Variants in CARM1 observed in about 807,000 individuals in gnomAD.
CARM1 encodes histone-arginine methyltransferase CARM1.
A neutral mutation model predicts 72.7 loss-of-function variants in CARM1; 14 were observed. The ratio of observed to expected loss-of-function variants is 0.19; its 90% confidence interval spans 0.13 to 0.30. The LOEUF is 0.30. Ranked by LOEUF, CARM1 falls within the 10% of genes least tolerant of loss-of-function variation. CARM1 has a pLI of 1.00. For synonymous variants in CARM1, 333 were observed against 345.5 expected, an observed-to-expected ratio of 0.96 and a Z score of 0.40; for missense variants, 432 against 833.7, an observed-to-expected ratio of 0.52 and a Z score of 5.93.
At position 10,916,522 on chromosome 19, in the gene CARM1, C is replaced by T. The variant is rs562119321; in HGVS notation, c.938+25C>T. The T allele has an allele frequency of 6.4e-7, 1 of 1,567,006 alleles. No homozygotes were observed. The highest frequency in any genetic ancestry group is 1.1e-5 in the South Asian group (1 of 90,022). On this transcript the variant is annotated intron_variant, in intron 7 of 15. Transcript: ENST00000327064. This position sits in a 1 kb window ranked among gnomAD's most constrained non-coding sequence, Gnocchi z 4.4. The stretch of plus-strand genomic sequence containing the variant: ...GGTGAGTGTGCCCTGGGTGTCCCGC[C>T]TGGGCCCCACAGCCTGCCTTCTCAG...
chr19:10,890,675 A>G, intron 1 of CARM1, among the ~76,000 whole-genome samples: 1 of 149,616 alleles, frequency 6.7e-6, no homozygotes, highest in East Asian at 1.9e-4. Context: ...GTGTATACGT[A>G]TATACATATA....
intron 3 of CARM1, chr19:10,908,864 C>T (rs2074123962): frequency 1.2e-5 from 5 of 414,204 alleles, no homozygotes; most frequent in South Asian, 2.5e-5. Context: ...CTTCCAGGTC[C>T]AGGCGGCATC....
Position 10,921,842 on chromosome 19 carries a change from C to G in CARM1, c.*85C>G, listed in dbSNP as rs2074257767. 1 of 1,344,940 alleles carries G rather than the reference C, an allele frequency of 7.4e-7. No homozygotes were observed. Among genetic ancestry groups the G allele is most frequent in the Non-Finnish European group, 1.0e-6 (1 of 984,412 alleles). The allele number at this position is 1,344,940 out of a possible 1,614,324, so 83.3% of individuals were successfully genotyped here. On this transcript the variant is annotated 3_prime_UTR_variant, in exon 16 of 16. Transcript: ENST00000327064. ...CCGCCGGGCGGCTTTCCCCCTTGTA[C>G]TGGAGAAGCTCGAACACCCGGTCAC... is the stretch of plus-strand genomic sequence containing the variant.
At chr19:10,921,258 C>G in intron 14 of CARM1, 117 bp from the exon 15 acceptor site, 2 of 1,442,296 alleles carry the variant, frequency 1.4e-6, no homozygotes. Context: ...TGGGGGCTCT[C>G]GGCCGAGGCT....
At chr19:10,872,942 G>A (rs572867502) in intron 1 of CARM1, among the ~76,000 whole-genome samples, 2 of 152,240 alleles carry the variant, frequency 1.3e-5, no homozygotes, top group South Asian at 2.1e-4. Flanking sequence ...CCGATTAAAG[G>A]AAAGCCCGAG....
Position 10,909,507 on chromosome 19 carries a change from G to A in CARM1, c.558+300G>A, listed in dbSNP as rs374113561. 1.3e-3 allele frequency among the ~76,000 whole-genome samples: 199 copies of A among 151,456 alleles called. 2 individuals carry two copies. The highest frequency in any genetic ancestry group is 4.5e-3 in the African/African-American group (186 of 41,266). ...TCCCAGCACTTTGGGACGCCCAGGC[G>A]GGCGGGTCACAAGGTCAGGAGATCG... On this transcript the variant is annotated intron_variant, in intron 4 of 15. Transcript: ENST00000327064.
In CARM1 at chr19:10,920,922, C is replaced by A; in HGVS notation, c.1513C>A (p.Leu505Ile). Reference protein sequence around the residue: ...NMWNTGSTYNLSSGMAVAGMP... With the variant: ...NMWNTGSTYNISSGMAVAGMP... ...GTGGAACACGGGCAGCACCTACAAC[C>A]TCAGCAGCGGGATGGCCGTGGCAGG... The change falls in exon 13 of 16, where the codon CTC (leucine) becomes ATC (isoleucine). Residue 505 changes from leucine (L) to isoleucine (I), a missense_variant. This residue lies in a region of CARM1 where 142 missense variants were observed against 188.7 expected (regional missense o/e 0.75). Transcript: ENST00000327064. The surrounding 1 kb of genome is among the most constrained non-coding windows in gnomAD (Gnocchi z 5.3). 6.2e-7 allele frequency: 1 copy of A among 1,614,246 alleles called. No homozygotes were observed. Among genetic ancestry groups the A allele is most frequent in the Non-Finnish European group, 8.5e-7 (1 of 1,180,026 alleles).
chr19:10,893,419 A>G (rs2074002566), intron 1 of CARM1, among the ~76,000 whole-genome samples: 2 of 150,976 alleles, frequency 1.3e-5, no homozygotes. Flanking sequence ...GCTCACTGCA[A>G]CCTCCACCTC....
chr19:10,905,450 G>T (rs1377386480), intron 2 of CARM1, among the ~76,000 whole-genome samples: 1 of 152,150 alleles, frequency 6.6e-6, no homozygotes, highest in African/African-American at 2.4e-5. Context: ...TTTGCTCAGG[G>T]CGCAGAGAAG....
rs745960575 is a variant in CARM1 at position 10,919,975 on chromosome 19, C to T, written c.1196+9C>T. On this transcript the variant is annotated intron_variant, in intron 10 of 15. Coordinates refer to ENST00000327064, the MANE Select transcript of CARM1 (RefSeq NM_199141.2). ...GCTTTCATCGGCTCCATGTGAGTGCCGCAGAGCAGCCCATGCTGCCTCCTC... is the reference window on the plus strand; with the variant it reads ...GCTTTCATCGGCTCCATGTGAGTGCTGCAGAGCAGCCCATGCTGCCTCCTC... 1.8e-5 allele frequency: 29 copies of T among 1,610,164 alleles called. No homozygotes were observed. Among genetic ancestry groups the T allele is most frequent in the East Asian group, 2.2e-5 (1 of 44,846 alleles).
chr19:10,919,702 C>T lies in CARM1; in HGVS notation c.1106+22C>T, dbSNP rs781636833. Reference sequence around the variant, plus strand: ...ACAGGTACTGGCACCCACACTCCATCCTCCCAGGCCTGGCTCAGGCCGAAG... The same window carrying T: ...ACAGGTACTGGCACCCACACTCCATTCTCCCAGGCCTGGCTCAGGCCGAAG... On this transcript the variant is annotated intron_variant, in intron 9 of 15. Coordinates refer to ENST00000327064, the MANE Select transcript of CARM1 (RefSeq NM_199141.2). The T allele has an allele frequency of 1.5e-5, 24 of 1,596,128 alleles. No individual in the cohort carries two copies. In the African/African-American group the frequency reaches 2.1e-4, roughly 14 times the overall value.
chr19:10,881,180 TCTTG>T (rs1306806200), intron 1 of CARM1, among the ~76,000 whole-genome samples: 2 of 151,994 alleles, frequency 1.3e-5, no homozygotes, highest in Non-Finnish European at 2.9e-5. Flanking sequence ...AAAAAATGCT[TCTTG>T]CTTGATGACT....
chr19:10,900,134 C>A (rs983607750), intron 1 of CARM1, among the ~76,000 whole-genome samples: 2 of 151,652 alleles, frequency 1.3e-5, no homozygotes, highest in Non-Finnish European at 2.9e-5. Flanking sequence ...CATAGTGAGA[C>A]CCTCATTTCT....
rs542767129 is a variant in CARM1, at chr19:10,919,429, G to A, written c.1021-166G>A. On this transcript the variant is annotated intron_variant, in intron 8 of 15. Coordinates refer to ENST00000327064, the MANE Select transcript of CARM1 (RefSeq NM_199141.2). ...GGAGAGCTGTCACCTGATTGCCCTCGGTGGCGTTGTGCCGGTCCCCTCCTC... is the reference window on the plus strand; with the variant it reads ...GGAGAGCTGTCACCTGATTGCCCTCAGTGGCGTTGTGCCGGTCCCCTCCTC... 8.4e-6 allele frequency: 5 copies of A among 597,758 alleles called. No homozygotes were observed. The Admixed American group carries it at 9.4e-5, about 11-fold the overall frequency. The allele number at this position is 597,758 out of a possible 1,614,324, so 37.0% of individuals were successfully genotyped here. A position where few individuals can be genotyped will look rare whatever the true frequency, so the allele number is the denominator to read the frequency against.
At chr19:10,877,418 A>G (rs1401408746) in intron 1 of CARM1, among the ~76,000 whole-genome samples, 1 of 152,062 alleles carries the variant, frequency 6.6e-6, no homozygotes, top group Admixed American at 6.6e-5. Context: ...GCCTATTTTT[A>G]TCTGTGTTTG....
intron 1 of CARM1, among the ~76,000 whole-genome samples, chr19:10,887,972 C>T (rs2073953880): frequency 6.6e-6 from 1 of 152,232 alleles, no homozygotes; most frequent in African/African-American, 2.4e-5. Context: ...GCAATGAGAG[C>T]CAGGGTGTGG....
intron 1 of CARM1, among the ~76,000 whole-genome samples, chr19:10,891,994 G>C (rs1313041594): frequency 6.6e-6 from 1 of 152,154 alleles, no homozygotes; most frequent in East Asian, 1.9e-4. Flanking sequence ...CATGAATGCA[G>C]TGTGCACTGC....
At chr19:10,904,915 G>C in intron 1 of CARM1, 36 bp from the exon 2 acceptor site, 1 of 1,610,646 alleles carries the variant, frequency 6.2e-7, no homozygotes, top group Non-Finnish European at 8.5e-7. Flanking sequence ...AGCTGACAGG[G>C]CTGCACCGCT....
In CARM1 at chr19:10,912,317, C is replaced by T. The variant is rs763688815; in HGVS notation, c.669+23C>T. 6.4e-7 allele frequency: 1 copy of T among 1,560,370 alleles called. No homozygotes were observed. The highest frequency in any genetic ancestry group is 1.1e-5 in the South Asian group (1 of 90,082). On this transcript the variant is annotated intron_variant, in intron 5 of 15. Coordinates refer to ENST00000327064, the MANE Select transcript of CARM1 (RefSeq NM_199141.2). This position sits in a 1 kb window ranked among gnomAD's most constrained non-coding sequence, Gnocchi z 4.5. Reference sequence around the variant, plus strand: ...GAGGTCAGTGGCCCGCTGGTGCCCACCCAGCCTCGTCCTCGCCCATGAGTG... The same window carrying T: ...GAGGTCAGTGGCCCGCTGGTGCCCATCCAGCCTCGTCCTCGCCCATGAGTG...
Sources: allele counts gnomAD v4.1 joint callset (sites outside exome capture counted in the v4.1 genomes callset), GRCh38; gene constraint gnomAD v4.1.1; regional missense constraint gnomAD v4.1.1; non-coding constraint Gnocchi (gnomAD v3.1); transcripts MANE v1.5; gene names NCBI Gene and HGNC (gene_info 2026-07-23, HGNC 2026-07-21).